The following GALNT1 variants were observed in gnomAD, a reference collection of about 807,000 sequenced individuals.
GALNT1 encodes polypeptide N-acetylgalactosaminyltransferase 1.
GALNT1 carries 17 observed loss-of-function variants against 65.7 expected under a neutral mutation model. The observed-to-expected ratio is 0.26, with a 90% CI of 0.18 to 0.39. GALNT1 has a LOEUF of 0.39. GALNT1 is among the 10% of genes least tolerant of loss of function. The pLI, the probability that GALNT1 is intolerant of heterozygous loss-of-function variation, is 1.00. For synonymous variants in GALNT1, 210 were observed against 219.7 expected, an observed-to-expected ratio of 0.96 and a Z score of 0.39; for missense variants, 460 against 672.8, an observed-to-expected ratio of 0.68 and a Z score of 3.50.
chr18:35,633,280 AC>A (rs2047042660), intron 1 of GALNT1, among the ~76,000 whole-genome samples: 1 of 152,140 alleles, frequency 6.6e-6, no homozygotes, highest in South Asian at 2.1e-4. Flanking sequence ...AATAGCAAAG[AC>A]CTGGAACCAA....
rs1331826477 is a variant in GALNT1 at position 35,692,331 on chromosome 18, T to C, written c.1299+11T>C. The C allele has an allele frequency of 4.9e-6, 7 of 1,435,638 alleles. No homozygotes were observed. Among genetic ancestry groups the C allele is most frequent in the East Asian group, 2.4e-5 (1 of 42,210 alleles). 88.9% of individuals were successfully genotyped at this position (1,435,638 alleles called of 1,614,324 possible). A position where few individuals can be genotyped will look rare whatever the true frequency, so the allele number is the denominator to read the frequency against. ...TTCTCATTGGGAGAGGTAAGAAATA[T>C]ATATATATATATTCTATGTGGTTAT... On this transcript the variant is annotated intron_variant, in intron 9 of 11. Coordinates refer to ENST00000269195, the MANE Select transcript of GALNT1 (RefSeq NM_020474.4).
intron 1 of GALNT1, among the ~76,000 whole-genome samples, chr18:35,618,145 A>G (rs2046808508): frequency 1.3e-5 from 2 of 152,086 alleles, no homozygotes; most frequent in South Asian, 2.1e-4. Context: ...TTCTTGTGCA[A>G]TGAGATAGCA....
At chr18:35,581,599 G>C (rs2046315543), upstream of GALNT1, 1 of 29,250 alleles carries the variant, frequency 3.4e-5, no homozygotes, top group African/African-American at 1.2e-4. Context: ...GCGCATGCGG[G>C]GCGGCCCGGA....
At chr18:35,639,600 A>C (rs978314393) in intron 1 of GALNT1, among the ~76,000 whole-genome samples, 2 of 152,210 alleles carry the variant, frequency 1.3e-5, no homozygotes, top group African/African-American at 4.8e-5. Context: ...ACAATATAGT[A>C]GACATAAAAG....
chr18:35,649,220 CTTG>C lies in GALNT1; in HGVS notation c.-103-5334_-103-5332del, dbSNP rs1376485972. Among the ~76,000 whole-genome samples the C allele has an allele frequency of 3.3e-5, 5 of 152,178 alleles. No homozygotes were observed. The East Asian group carries it at 7.7e-4, about 23-fold the overall frequency. On this transcript the variant is annotated intron_variant, in intron 1 of 11. Coordinates refer to ENST00000269195, the MANE Select transcript of GALNT1 (RefSeq NM_020474.4). ...CAGTTGCTCCAATTCCTTTCCAGCA[CTTG>C]TTGTTTTTCTTTTTTCTTTTAGCTG...
chr18:35,687,443 A>T (rs184423081), intron 6 of GALNT1, among the ~76,000 whole-genome samples: 1 of 152,262 alleles, frequency 6.6e-6, no homozygotes, highest in Admixed American at 6.5e-5. Context: ...TCATTCCTTT[A>T]TGAACATTTT....
chr18:35,687,723 G>A (rs746894059), intron 6 of GALNT1, among the ~76,000 whole-genome samples: 4 of 151,560 alleles, frequency 2.6e-5, no homozygotes, highest in Non-Finnish European at 5.9e-5. Context: ...TCTCTACTTG[G>A]TCATATATAG....
intron 2 of GALNT1, among the ~76,000 whole-genome samples, chr18:35,662,865 G>A (rs1185040088): frequency 6.6e-6 from 1 of 152,084 alleles, no homozygotes; most frequent in Non-Finnish European, 1.5e-5. Flanking sequence ...GTGCTGATCA[G>A]GCACATTGCT....
rs114903903 is a variant in GALNT1 at position 35,708,047 on chromosome 18, A to G, written c.1534-1577A>G. Among the ~76,000 whole-genome samples the G allele has an allele frequency of 5.5e-3, 839 of 152,280 alleles. 6 individuals are homozygous for G. Among genetic ancestry groups the G allele is most frequent in the African/African-American group, 0.019 (803 of 41,560 alleles). ...CTGGGATAGGCAGCACTTTATGTACATTATCTCAGTGTTTCCTCATAAAAA... is the reference window on the plus strand; with the variant it reads ...CTGGGATAGGCAGCACTTTATGTACGTTATCTCAGTGTTTCCTCATAAAAA... On this transcript the variant is annotated intron_variant, in intron 11 of 11. Coordinates refer to ENST00000269195, the MANE Select transcript of GALNT1 (RefSeq NM_020474.4).
At chr18:35,694,894 T>G (rs963519493) in intron 9 of GALNT1, among the ~76,000 whole-genome samples, 1 of 152,206 alleles carries the variant, frequency 6.6e-6, no homozygotes, top group African/African-American at 2.4e-5. Context: ...GAGGACCTTA[T>G]GTTAAGCATA....
At chr18:35,588,206 T>G (rs1464797649) in intron 1 of GALNT1, among the ~76,000 whole-genome samples, 1 of 152,176 alleles carries the variant, frequency 6.6e-6, no homozygotes, top group Non-Finnish European at 1.5e-5. Flanking sequence ...TTATTTTCTC[T>G]GGTTATGGGA....
chr18:35,691,887 A>G (rs886611683), intron 8 of GALNT1, among the ~76,000 whole-genome samples: 13 of 152,204 alleles, frequency 8.5e-5, no homozygotes, highest in Non-Finnish European at 1.8e-4. Flanking sequence ...TTTGAGCAAA[A>G]TAGACCTTGA....
At chr18:35,673,008 A>G (rs1312098159) in intron 3 of GALNT1, among the ~76,000 whole-genome samples, 2 of 152,182 alleles carry the variant, frequency 1.3e-5, no homozygotes, top group African/African-American at 4.8e-5. Context: ...CAGGGACAAA[A>G]TATGTGCTCT....
At chr18:35,583,964 T>C (rs912728502) in intron 1 of GALNT1, among the ~76,000 whole-genome samples, 6 of 152,234 alleles carry the variant, frequency 3.9e-5, no homozygotes, top group Non-Finnish European at 5.9e-5. Context: ...TTAAAAAATT[T>C]TGTATTTTTT....
At chr18:35,613,390 T>TA (rs1225547353) in intron 1 of GALNT1, among the ~76,000 whole-genome samples, 2 of 152,190 alleles carry the variant, frequency 1.3e-5, no homozygotes, top group African/African-American at 4.8e-5. Context: ...TATGAAATGT[T>TA]AAAAATACTG....
chr18:35,615,675 A>G (rs944020298), intron 1 of GALNT1, among the ~76,000 whole-genome samples: 1 of 152,242 alleles, frequency 6.6e-6, no homozygotes, highest in African/African-American at 2.4e-5. Context: ...TTTTAGAATC[A>G]GTAATGCACA....
At chr18:35,625,377 A>G (rs944335532) in intron 1 of GALNT1, among the ~76,000 whole-genome samples, 24 of 152,206 alleles carry the variant, frequency 1.6e-4, no homozygotes, top group Non-Finnish European at 3.2e-4. Flanking sequence ...AGAACAAGAA[A>G]TGACCCTGAG....
chr18:35,596,651 CG>C (rs1178345353), intron 1 of GALNT1: 1 of 152,028 alleles, frequency 6.6e-6, no homozygotes, highest in African/African-American at 2.4e-5. Context: ...AGAATTTCAC[CG>C]GGCAGAAATT....
rs766560799 is a variant in GALNT1 at position 35,654,811 on chromosome 18, A to G, written c.139+10A>G. 4 of 1,545,586 alleles carry G rather than the reference A, an allele frequency of 2.6e-6. No individual in the cohort carries two copies. Among genetic ancestry groups the G allele is most frequent in the South Asian group, 2.5e-5 (2 of 80,100 alleles). ...CTTCCTGCTGGAGATGGTGAGTGACATTTTATAATAGAGCTGTTTTAACTA... is the reference window on the plus strand; with the variant it reads ...CTTCCTGCTGGAGATGGTGAGTGACGTTTTATAATAGAGCTGTTTTAACTA... On this transcript the variant is annotated intron_variant, in intron 2 of 11. Transcript: ENST00000269195.
Sources: gnomAD v4.1 joint callset for allele counts (sites outside exome capture counted in the v4.1 genomes callset) on GRCh38, gnomAD v4.1.1 for gene constraint, MANE v1.5 for transcripts, NCBI Gene and HGNC (gene_info 2026-07-23, HGNC 2026-07-21) for gene names.